Variants in CRADD observed in about 807,000 individuals in gnomAD.
CRADD encodes the protein death domain-containing protein CRADD.
Under a neutral mutation model 15.5 loss-of-function variants are expected in CRADD, and 9 were observed. The ratio of observed to expected loss-of-function variants is 0.58; its 90% CI spans 0.35 to 1.01. The LOEUF is 1.01. CRADD is among the 50% of genes least tolerant of loss of function. The pLI, the probability that CRADD is intolerant of heterozygous loss-of-function variation, is 0.02. For synonymous variants in CRADD, 118 were observed against 107.6 expected (o/e 1.10, Z -0.60); for missense variants, 227 against 250.3 (o/e 0.91, Z 0.63).
At chr12:93,746,419 A>G (rs993925317) in intron 2 of CRADD, among the ~76,000 whole-genome samples, 1 of 152,236 alleles carries the variant, frequency 6.6e-6, no homozygotes, top group African/African-American at 2.4e-5. Context: ...CTCAGCACAC[A>G]GAGTGGTCCA....
intron 2 of CRADD, chr12:93,738,578 C>T (rs961276429): frequency 1.9e-5 from 13 of 670,052 alleles, no homozygotes; most frequent in African/African-American, 5.3e-5. Context: ...CCGCTCCCAC[C>T]GCCACCCCCT....
intron 2 of CRADD, among the ~76,000 whole-genome samples, chr12:93,784,317 C>G (rs1957248637): frequency 6.6e-6 from 1 of 152,102 alleles, no homozygotes; most frequent in South Asian, 2.1e-4. Context: ...ATGACAGGCA[C>G]TGCACTAAGT....
intron 2 of CRADD, chr12:93,708,643 A>T (rs1956001169): frequency 6.6e-6 from 1 of 152,222 alleles, no homozygotes; most frequent in Non-Finnish European, 1.5e-5. Context: ...TCATCAACAC[A>T]TTTATCTCCA....
At chr12:93,772,344 C>G (rs1957093378) in intron 2 of CRADD, among the ~76,000 whole-genome samples, 1 of 152,170 alleles carries the variant, frequency 6.6e-6, no homozygotes, top group South Asian at 2.1e-4. Flanking sequence ...TTGGTTCTTT[C>G]ATTAGAATGT....
At chr12:93,731,833 T>G (rs1408258885) in intron 2 of CRADD, among the ~76,000 whole-genome samples, 1 of 152,114 alleles carries the variant, frequency 6.6e-6, no homozygotes, top group Non-Finnish European at 1.5e-5. Context: ...TCTTCAAAAT[T>G]TATTATGAAA....
At chr12:93,718,044 T>C (rs1448583389) in intron 2 of CRADD, among the ~76,000 whole-genome samples, 1 of 152,024 alleles carries the variant, frequency 6.6e-6, no homozygotes, top group Admixed American at 6.5e-5. Context: ...ATTTGTCTGT[T>C]CTTCTACCGA....
chr12:93,808,077 C>T (rs1258240079), intron 2 of CRADD, among the ~76,000 whole-genome samples: 1 of 150,164 alleles, frequency 6.7e-6, no homozygotes, highest in African/African-American at 2.4e-5. Context: ...GGGAGGCCCC[C>T]ATTCAGTGGG....
At chr12:93,872,439 TTG>T (rs1242776915) in intron 2 of CRADD, among the ~76,000 whole-genome samples, 2 of 152,316 alleles carry the variant, frequency 1.3e-5, no homozygotes, top group Non-Finnish European at 2.9e-5. Flanking sequence ...TTTACTTTGG[TTG>T]CCTTTGCTTG....
chr12:93,735,830 A>G (rs1328486284), intron 2 of CRADD: 3 of 152,158 alleles, frequency 2.0e-5, no homozygotes, highest in Non-Finnish European at 4.4e-5. Flanking sequence ...AACTGATTTA[A>G]AATGAGAATA....
intron 2 of CRADD, among the ~76,000 whole-genome samples, chr12:93,722,356 G>C (rs935360633): frequency 5.9e-5 from 9 of 152,022 alleles, no homozygotes; most frequent in Admixed American, 1.3e-4. Context: ...TATTCTCTAA[G>C]CTTCCTGGAT....
chr12:93,807,433 G>A (rs1474570020), intron 2 of CRADD, among the ~76,000 whole-genome samples: 1 of 152,070 alleles, frequency 6.6e-6, no homozygotes, highest in Non-Finnish European at 1.5e-5. Context: ...ATCACTCATG[G>A]TCTCAGTCCC....
intron 2 of CRADD, among the ~76,000 whole-genome samples, chr12:93,758,385 C>A (rs1956914490): frequency 6.6e-6 from 1 of 151,980 alleles, no homozygotes; most frequent in Non-Finnish European, 1.5e-5. Context: ...AGAAAATAAA[C>A]ACAAATCTCT....
At chr12:93,714,540 A>G (rs1956128984) in intron 2 of CRADD, 1 of 152,244 alleles carries the variant, frequency 6.6e-6, no homozygotes, top group African/African-American at 2.4e-5. Context: ...CAAAGTGACA[A>G]TGGCAAATAA....
chr12:93,826,718 C>T (rs1207921489), intron 2 of CRADD: 1 of 152,194 alleles, frequency 6.6e-6, no homozygotes, highest in African/African-American at 2.4e-5. Context: ...GATAACCCAA[C>T]AGAGAAGTGG....
intron 2 of CRADD, among the ~76,000 whole-genome samples, chr12:93,864,072 A>G (rs537724069): frequency 6.6e-6 from 1 of 152,236 alleles, no homozygotes; most frequent in Admixed American, 6.5e-5. Flanking sequence ...GTATTTATTT[A>G]CTGTTATATA....
chr12:93,711,757 T>C (rs1379880752), intron 2 of CRADD, among the ~76,000 whole-genome samples: 1 of 2,312 alleles, frequency 4.3e-4, no homozygotes, highest in East Asian at 0.031. Flanking sequence ...TCCTAGACTC[T>C]TTTTTTTTTT....
At chr12:93,874,967 T>A (rs1958448229) in intron 2 of CRADD, among the ~76,000 whole-genome samples, 1 of 152,104 alleles carries the variant, frequency 6.6e-6, no homozygotes, top group African/African-American at 2.4e-5. Context: ...AGTCTGATAT[T>A]TCTTTGTTGA....
At chr12:93,782,368 G>A (rs1267085599) in intron 2 of CRADD, among the ~76,000 whole-genome samples, 2 of 151,728 alleles carry the variant, frequency 1.3e-5, no homozygotes, top group Non-Finnish European at 2.9e-5. Flanking sequence ...GGGAGGGATA[G>A]CATTAGGAGA....
intron 2 of CRADD, among the ~76,000 whole-genome samples, chr12:93,760,214 C>A (rs562550574): frequency 1.3e-5 from 2 of 152,074 alleles, no homozygotes; most frequent in Non-Finnish European, 2.9e-5. Context: ...TCTTATTAAT[C>A]TCTGTGTGAT....
Sources: gnomAD v4.1 joint callset for allele counts (sites outside exome capture counted in the v4.1 genomes callset) on GRCh38, gnomAD v4.1.1 for gene constraint, MANE v1.5 for transcripts, NCBI Gene and HGNC (gene_info 2026-07-23, HGNC 2026-07-21) for gene names.